Variants in TTN observed in about 807,000 individuals in gnomAD.
The protein encoded by TTN is connectin.
Under a neutral mutation model 3,223.0 loss-of-function variants are expected in TTN, and 1,525 were observed. That is an observed-to-expected ratio of 0.47 (90% confidence interval 0.45 to 0.49). The LOEUF is 0.49. Ranked by LOEUF, TTN falls within the 20% of genes least tolerant of loss-of-function variation. TTN has a pLI of 0.00. For synonymous variants in TTN, 14,094 were observed against 15,161.0 expected, an observed-to-expected ratio of 0.93 and a Z score of 5.17; for missense variants, 40,786 against 43,424.0, an observed-to-expected ratio of 0.94 and a Z score of 5.40.
chr2:178,704,258 C>A lies in TTN; in HGVS notation c.30112G>T (p.Val10038Leu). The A allele has an allele frequency of 6.2e-7, 1 of 1,613,976 alleles. No homozygotes were observed. The highest frequency in any genetic ancestry group is 8.5e-7 in the Non-Finnish European group (1 of 1,179,868). Residue 10038 changes from valine (V) to leucine (L), a missense_variant, in exon 106 of 363, where the codon GTG becomes TTG. Transcript: ENST00000589042. Reference sequence around the variant, plus strand: ...GTCAATTTATGGACTTTGTGTTCCACTTCTGTTTTATGTCTACCTTGGGGT... The same window carrying A: ...GTCAATTTATGGACTTTGTGTTCCAATTCTGTTTTATGTCTACCTTGGGGT... Reference protein sequence around the residue: ...LKPQGRHKTEVEHKVHKLTIA... With the variant: ...LKPQGRHKTELEHKVHKLTIA...
In TTN at chr2:178,729,133, G is replaced by A; in HGVS notation, c.18905C>T (p.Thr6302Ile). 1 of 1,601,434 alleles carries A rather than the reference G, an allele frequency of 6.2e-7. No individual in the cohort carries two copies. Among genetic ancestry groups the A allele is most frequent in the Non-Finnish European group, 8.5e-7 (1 of 1,174,022 alleles). The change falls in exon 65 of 363, where the codon ACT becomes ATT. Residue 6302 changes from threonine (T) to isoleucine (I), a missense_variant. Transcript: ENST00000589042. ...GGTGGCAGAACTTTTCAAAACAGTA[G>A]TGGTATTTTCTATCTTCTTAATGAA... ...PSFIKKIENTTTVLKSSATFQ... is the reference protein window; with the variant it reads ...PSFIKKIENTITVLKSSATFQ...
rs876658085 is a variant in TTN at position 178,563,373 on chromosome 2, C to T, written c.82759G>A (p.Val27587Ile). The change falls in exon 326 of 363, where the codon GTC (valine) becomes ATC (isoleucine). Residue 27587 changes from valine to isoleucine, a missense_variant. Coordinates refer to ENST00000589042, the MANE Select transcript of TTN (RefSeq NM_001267550.2). This position sits in a 1 kb window ranked among gnomAD's most constrained non-coding sequence, Gnocchi z 4.5. ...PKVTDTSRSS[V>I]SLAWSKPIYD... ...ATTGGCTTACTCCATGCCAGGGAGACAGAAGATCTGGAAGTGTCCGTCACT... is the reference window on the plus strand; with the variant it reads ...ATTGGCTTACTCCATGCCAGGGAGATAGAAGATCTGGAAGTGTCCGTCACT... 1 of 1,613,548 alleles carries T rather than the reference C, an allele frequency of 6.2e-7. No homozygotes were observed. Among genetic ancestry groups the T allele is most frequent in the Non-Finnish European group, 8.5e-7 (1 of 1,179,700 alleles).
At chr2:178,745,733 C>T in intron 47 of TTN, 3 of 1,612,632 alleles carry the variant, frequency 1.9e-6, no homozygotes, top group Non-Finnish European at 2.5e-6. Flanking sequence ...GAACCTTCTT[C>T]CTTGGACTAA....
intron 47 of TTN, chr2:178,744,701 T>C (rs1387613066): frequency 1.4e-5 from 14 of 979,914 alleles, no homozygotes; most frequent in Non-Finnish European, 1.7e-5. Flanking sequence ...TTTTTTTAAA[T>C]TTTAAAGATT....
At position 178,712,244 on chromosome 2, in the gene TTN, A is replaced by C. The variant is rs754602246; in HGVS notation, c.27608-22T>G. 4 of 1,610,712 alleles carry C rather than the reference A, an allele frequency of 2.5e-6. No individual in the cohort carries two copies. The Admixed American group carries it at 5.0e-5, about 20-fold the overall frequency. On this transcript the variant is annotated intron_variant, in intron 95 of 362. Transcript: ENST00000589042. ...GGTTCTGCAGCCAAGAGAGATAATCAATCAGTCATGAAGGAGACATGCCAG... is the reference window on the plus strand; with the variant it reads ...GGTTCTGCAGCCAAGAGAGATAATCCATCAGTCATGAAGGAGACATGCCAG...
intron 37 of TTN, 28 bp downstream of exon 37, chr2:178,769,647 GTGTA>G: frequency 2.1e-6 from 2 of 940,790 alleles, no homozygotes; most frequent in African/African-American, 4.4e-5. Flanking sequence ...TTATATATAT[GTGTA>G]TATATATATA....
In TTN at chr2:178,561,689, G is replaced by A. The variant is rs751860205; in HGVS notation, c.84443C>T (p.Ala28148Val). The change falls in exon 326 of 363, where the codon GCA (alanine) becomes GTA (valine). Residue 28148 changes from alanine to valine, a missense_variant. Physicochemically the swap from Ala to Val is moderately conservative, Grantham distance 64 (BLOSUM62 0). Coordinates refer to ENST00000589042, the MANE Select transcript of TTN (RefSeq NM_001267550.2). ...SSYSESSAVV[A>V]EYPFSPPGPP... is the part of the protein sequence containing the mutation. ...ACCTGGGGGACTGAATGGATACTCTGCAACAACAGCTGAAGATTCACTGTA... is the reference window on the plus strand; with the variant it reads ...ACCTGGGGGACTGAATGGATACTCTACAACAACAGCTGAAGATTCACTGTA... 1 of 1,607,416 alleles carries A rather than the reference G, an allele frequency of 6.2e-7. No homozygotes were observed. Among genetic ancestry groups the A allele is most frequent in the Non-Finnish European group, 8.5e-7 (1 of 1,175,852 alleles).
chr2:178,601,221 T>A lies in TTN; in HGVS notation c.55732+44A>T, dbSNP rs376458184. On this transcript the variant is annotated intron_variant, in intron 287 of 362. Coordinates refer to ENST00000589042, the MANE Select transcript of TTN (RefSeq NM_001267550.2). ...TTAAGCGTTGTTTATAATAATATAC[T>A]TCAATTTTGAGAAGATATTTTAAAT... The A allele has an allele frequency of 2.8e-5, 42 of 1,518,338 alleles. No individual in the cohort carries two copies. The South Asian group carries it at 4.5e-4, about 16-fold the overall frequency. 94.1% of individuals were successfully genotyped at this position (1,518,338 alleles called of 1,614,324 possible). A position where few individuals can be genotyped will look rare whatever the true frequency, so the allele number is the denominator to read the frequency against.
intron 326 of TTN, 52 bp downstream of exon 326, chr2:178,559,259 T>G (rs1380492038): frequency 6.7e-7 from 1 of 1,484,980 alleles, no homozygotes; most frequent in African/African-American, 1.4e-5. Flanking sequence ...ACTCACACTA[T>G]TCTAGCAAAA....
At chr2:178,630,425 C>CTTTAAT in intron 238 of TTN, 58 bp from the exon 239 acceptor site, 1 of 1,521,714 alleles carries the variant, frequency 6.6e-7, no homozygotes, top group Non-Finnish European at 8.8e-7. Context: ...AAATTTTGTT[C>CTTTAAT]TAAGGATAGA....
rs756878354 is a variant in TTN at position 178,732,632 on chromosome 2, T to G, written c.16429A>C (p.Thr5477Pro). ...TTAAACCATCTGATTGTGAGAGGAGTAGATCCTTGGAAAGTGCTCTTCAGG... is the reference window on the plus strand; with the variant it reads ...TTAAACCATCTGATTGTGAGAGGAGGAGATCCTTGGAAAGTGCTCTTCAGG... Reference protein sequence around the residue: ...VCLKSTFQGSTPLTIRWFKGN... With the variant: ...VCLKSTFQGSPPLTIRWFKGN... The change falls in exon 56 of 363, where the codon ACT becomes CCT. Residue 5477 changes from threonine (T) to proline (P), a missense_variant. Coordinates refer to ENST00000589042, the MANE Select transcript of TTN (RefSeq NM_001267550.2). The G allele has an allele frequency of 6.2e-7, 1 of 1,612,948 alleles. No homozygotes were observed. Among genetic ancestry groups the G allele is most frequent in the African/African-American group, 1.3e-5 (1 of 74,778 alleles).
At position 178,532,681 on chromosome 2, in the gene TTN, T is replaced by C; in HGVS notation, c.103934A>G (p.Asp34645Gly). Residue 34645 changes from aspartate (D) to glycine (G), a missense_variant, in exon 358 of 363, where the codon GAC becomes GGC. Asp to Gly is a moderately conservative substitution (Grantham distance 94). Coordinates refer to ENST00000589042, the MANE Select transcript of TTN (RefSeq NM_001267550.2). ...ACGTCTTCTAGGTCGGTAGTAAAAG[T>C]CATAATCAGGAGAAGGTGTACGCCG... Reference protein sequence around the residue: ...ARRRTPSPDYDFYYRPRRRSL... With the variant: ...ARRRTPSPDYGFYYRPRRRSL... 1 of 1,613,954 alleles carries C rather than the reference T, an allele frequency of 6.2e-7. No homozygotes were observed. The highest frequency in any genetic ancestry group is 8.5e-7 in the Non-Finnish European group (1 of 1,179,856).
Position 178,605,085 on chromosome 2 carries a change from C to G in TTN, c.54092G>C (p.Ser18031Thr), listed in dbSNP as rs1259446367. ...GTCCTCCCGGACCGCTTTGGGAATG[C>G]TAAGCTCAGTTTTTGCCTCACTTCG... ...VSRSEAKTEL[S>T]IPKAVREDKG... Residue 18031 changes from serine to threonine, a missense_variant, in exon 280 of 363, where the codon AGC (serine) becomes ACC (threonine). Ser to Thr is a moderately conservative substitution (Grantham distance 58). Coordinates refer to ENST00000589042, the MANE Select transcript of TTN (RefSeq NM_001267550.2). The G allele has an allele frequency of 1.9e-6, 3 of 1,612,774 alleles. No homozygotes were observed. The highest frequency in any genetic ancestry group is 1.7e-5 in the Admixed American group (1 of 59,958).
rs148430495 is a variant in TTN at position 178,745,884 on chromosome 2, C to A, written c.11312-3963G>T. 135 of 1,609,784 alleles carry A rather than the reference C, an allele frequency of 8.4e-5. 1 individual carries two copies. The highest frequency in any genetic ancestry group is 1.7e-4 in the Middle Eastern group (1 of 6,040). ...GGAGGCCCTTCCACCACCTGAAATTCAAAAAAACTGTCTGTGTAGTTGCTC... is the reference window on the plus strand; with the variant it reads ...GGAGGCCCTTCCACCACCTGAAATTAAAAAAAACTGTCTGTGTAGTTGCTC... On this transcript the variant is annotated intron_variant, in intron 47 of 362. Transcript: ENST00000589042.
rs746791696 is a variant in TTN at position 178,577,077 on chromosome 2, C to T, written c.69258G>A (p.Leu23086=). 9 of 1,613,200 alleles carry T rather than the reference C, an allele frequency of 5.6e-6. No individual in the cohort carries two copies. Among genetic ancestry groups the T allele is most frequent in the East Asian group, 2.2e-5 (1 of 44,790 alleles). ...ILEKRETSRL[L]WTVVSEDIQS... Reference sequence around the variant, plus strand: ...GAATATCTTCAGAAACCACTGTCCACAAAAGTCGGCTGGTTTCTCTCTTTT... The same window carrying T: ...GAATATCTTCAGAAACCACTGTCCATAAAAGTCGGCTGGTTTCTCTCTTTT... Residue 23086 remains leucine (L), a synonymous_variant, in exon 324 of 363, where the codon TTG becomes TTA. Coordinates refer to ENST00000589042, the MANE Select transcript of TTN (RefSeq NM_001267550.2).
rs878952690 is a variant in TTN at position 178,565,030 on chromosome 2, T to G, written c.81102A>C (p.Ile27034=). The G allele has an allele frequency of 6.2e-7, 1 of 1,613,520 alleles. No individual in the cohort carries two copies. ...SATVARTTIK[I]TKLKTGTEYQ... Reference sequence around the variant, plus strand: ...ACTCCGTGCCTGTTTTCAGTTTGGTTATTTTAATTGTTGTTCTTGCAACTG... The same window carrying G: ...ACTCCGTGCCTGTTTTCAGTTTGGTGATTTTAATTGTTGTTCTTGCAACTG... Residue 27034 remains isoleucine (I), a synonymous_variant, in exon 326 of 363, where the codon ATA becomes ATC. Transcript: ENST00000589042.
In TTN at chr2:178,599,518, A is replaced by G. The variant is rs2288568; in HGVS notation, c.56347+36T>C. 38,155 of 1,520,902 alleles carry G rather than the reference A, an allele frequency of 0.025. 596 individuals are homozygous for G. The highest frequency in any genetic ancestry group is 0.063 in the East Asian group (2,770 of 43,772). 94.2% of individuals were successfully genotyped at this position (1,520,902 alleles called of 1,614,324 possible). On this transcript the variant is annotated intron_variant, in intron 289 of 362. Coordinates refer to ENST00000589042, the MANE Select transcript of TTN (RefSeq NM_001267550.2). ...AGCCAAATGTTATTTATGAACAGAAAAACAAGTAATTTTAACCAAACCATG... is the reference window on the plus strand; with the variant it reads ...AGCCAAATGTTATTTATGAACAGAAGAACAAGTAATTTTAACCAAACCATG...
Position 178,579,467 on chromosome 2 carries a change from T to TC in TTN, c.67637-75_67637-74insG, listed in dbSNP as rs2047188513. 4.5e-6 allele frequency: 7 copies of TC among 1,568,844 alleles called. No individual in the cohort carries two copies. In the South Asian group the frequency reaches 8.3e-5, roughly 19 times the overall value. ...TAACTTTTTCAAATAGTTCTAGCTT[T>TC]TAACGGATTTTTAGATAAGCTAGTG... On this transcript the variant is annotated intron_variant, in intron 319 of 362. Coordinates refer to ENST00000589042, the MANE Select transcript of TTN (RefSeq NM_001267550.2).
Position 178,601,709 on chromosome 2 carries a change from C to T in TTN, c.55381G>A (p.Ala18461Thr), listed in dbSNP as rs776650966. 3 of 1,609,380 alleles carry T rather than the reference C, an allele frequency of 1.9e-6. No homozygotes were observed. Among genetic ancestry groups the T allele is most frequent in the East Asian group, 2.2e-5 (1 of 44,688 alleles). ...GTCTTTTGTCCTGCTTTATTCTTGG[C>T]TGTGATGCTGTATTTGCCTGTATGA... Reference protein sequence around the residue: ...RSHTGKYSITAKNKAGQKTAN... With the variant: ...RSHTGKYSITTKNKAGQKTAN... The change falls in exon 286 of 363, where the codon GCC (alanine) becomes ACC (threonine). Residue 18461 changes from alanine to threonine, a missense_variant. By Grantham distance (58) the Ala-to-Thr change is moderately conservative. Coordinates refer to ENST00000589042, the MANE Select transcript of TTN (RefSeq NM_001267550.2).
Sources: gnomAD v4.1 joint callset for allele counts on GRCh38, gnomAD v4.1.1 for gene constraint, Gnocchi (gnomAD v3.1) non-coding constraint, MANE v1.5 for transcripts, NCBI Gene and HGNC (gene_info 2026-07-23, HGNC 2026-07-21) for gene names.